Variants in TMEM65 observed in about 807,000 individuals in gnomAD.
The protein encoded by TMEM65 is transmembrane protein 65.
In TMEM65, 22 loss-of-function variants were observed where a neutral mutation model predicts 25.4. That is an observed-to-expected ratio of 0.86 (90% confidence interval 0.62 to 1.23). TMEM65 has a LOEUF of 1.23. TMEM65 is among the 50% of genes most tolerant of loss of function. The pLI is 0.00. For missense variants in TMEM65, 262 were observed against 308.2 expected, an observed-to-expected ratio of 0.85 and a Z score of 1.12; for synonymous variants, 132 against 126.2, an observed-to-expected ratio of 1.05 and a Z score of -0.31.
At chr8:124,341,486 T>G (rs181738412) in intron 1 of TMEM65, among the ~76,000 whole-genome samples, 218 of 152,208 alleles carry the variant, frequency 1.4e-3, no homozygotes, top group African/African-American at 5.1e-3. Flanking sequence ...ACTGGTCTAC[T>G]TTTAATAGGA....
intron 1 of TMEM65, among the ~76,000 whole-genome samples, chr8:124,341,371 ATTAT>A (rs1450916144): frequency 6.6e-6 from 1 of 152,044 alleles, no homozygotes; most frequent in Non-Finnish European, 1.5e-5. Context: ...TTAGAAGGGA[ATTAT>A]TTATCAGTTT....
intron 1 of TMEM65, among the ~76,000 whole-genome samples, chr8:124,370,344 A>G (rs940887517): frequency 2.0e-5 from 3 of 152,234 alleles, no homozygotes; most frequent in African/African-American, 7.2e-5. Flanking sequence ...ATGTGTGTTC[A>G]AATAGTCTTG....
intron 1 of TMEM65, among the ~76,000 whole-genome samples, chr8:124,344,046 C>T (rs1463131079): frequency 1.3e-5 from 2 of 152,172 alleles, no homozygotes; most frequent in Non-Finnish European, 2.9e-5. Context: ...ATTGCTAGTG[C>T]TTCTCTAATA....
chr8:124,352,353 T>C (rs1042724758), intron 1 of TMEM65, among the ~76,000 whole-genome samples: 5 of 152,026 alleles, frequency 3.3e-5, no homozygotes, highest in African/African-American at 1.2e-4. Context: ...TCCAGAGAAA[T>C]AGGGCATTAA....
chr8:124,327,513 G>C (rs1362872301), intron 2 of TMEM65, 92 bp from the exon 3 acceptor site: 9 of 756,352 alleles, frequency 1.2e-5, no homozygotes, highest in Non-Finnish European at 1.0e-5. Context: ...ATCCTAAACA[G>C]ACTTGATAAT....
chr8:124,327,968 T>C (rs896992186), intron 2 of TMEM65, among the ~76,000 whole-genome samples: 2 of 152,074 alleles, frequency 1.3e-5, no homozygotes, highest in Non-Finnish European at 2.9e-5. Context: ...ATGTGCAGTC[T>C]TTTTCCCCCC....
At chr8:124,336,311 G>A (rs1194049252) in intron 1 of TMEM65, among the ~76,000 whole-genome samples, 1 of 151,908 alleles carries the variant, frequency 6.6e-6, no homozygotes, top group African/African-American at 2.4e-5. Context: ...AGAAAACTAG[G>A]CAAAAATATC....
intron 4 of TMEM65, 71 bp downstream of exon 4, chr8:124,323,250 C>T (rs1489894106): frequency 2.4e-6 from 2 of 840,756 alleles, no homozygotes; most frequent in Admixed American, 2.7e-5. Context: ...AATTACCCTC[C>T]TCTAAACTTA....
rs1814118473 is a variant in TMEM65, at chr8:124,308,417, A to G, written c.*5543T>C. 1.3e-5 allele frequency: 2 copies of G among 152,252 alleles called. No homozygotes were observed. Among genetic ancestry groups the G allele is most frequent in the Admixed American group, 6.5e-5 (1 of 15,282 alleles). 9.4% of individuals were successfully genotyped at this position (152,252 alleles called of 1,614,324 possible). A position where few individuals can be genotyped will look rare whatever the true frequency, so the allele number is the denominator to read the frequency against. On this transcript the variant is annotated 3_prime_UTR_variant, in exon 7 of 7. Transcript: ENST00000297632. Reference sequence around the variant, plus strand: ...GAGAACATCATCAAAGTCTGGAAGGATTCCACCACTGATGATGCCATTGTT... The same window carrying G: ...GAGAACATCATCAAAGTCTGGAAGGGTTCCACCACTGATGATGCCATTGTT...
intron 1 of TMEM65, among the ~76,000 whole-genome samples, chr8:124,354,665 A>AC (rs1814756589): frequency 6.6e-6 from 1 of 151,870 alleles, no homozygotes; most frequent in East Asian, 1.9e-4. Context: ...CATCTCCAAA[A>AC]CTCCCTACGG....
chr8:124,351,113 T>C (rs1214445961), intron 1 of TMEM65: 1 of 984,828 alleles, frequency 1.0e-6, no homozygotes, highest in Admixed American at 6.2e-5. Context: ...TTGGGATATC[T>C]GCATGCTAAA....
intron 1 of TMEM65, among the ~76,000 whole-genome samples, chr8:124,348,914 C>T (rs559984889): frequency 1.3e-5 from 2 of 152,246 alleles, no homozygotes; most frequent in African/African-American, 4.8e-5. Context: ...CTGGGAAATG[C>T]TACCACCAGC....
chr8:124,351,145 T>C lies in TMEM65; in HGVS notation c.305-20353A>G, dbSNP rs1586469443. ...TAAAAGATATTTTAAAATCAAAATA[T>C]ATGCATGCAACAAAATAAATAATAT... On this transcript the variant is annotated intron_variant, in intron 1 of 6. Transcript: ENST00000297632. The C allele has an allele frequency of 1.3e-5, 13 of 976,240 alleles. No individual in the cohort carries two copies. The South Asian group carries it at 1.4e-4, about 11-fold the overall frequency. 60.5% of individuals were successfully genotyped at this position (976,240 alleles called of 1,614,324 possible). A position where few individuals can be genotyped will look rare whatever the true frequency, so the allele number is the denominator to read the frequency against.
At chr8:124,358,835 A>G (rs1814819974) in intron 1 of TMEM65, among the ~76,000 whole-genome samples, 2 of 152,216 alleles carry the variant, frequency 1.3e-5, no homozygotes, top group South Asian at 4.1e-4. Context: ...TACCCACAGG[A>G]TCCATTGTGT....
chr8:124,370,474 T>C (rs1814997326), intron 1 of TMEM65, among the ~76,000 whole-genome samples: 1 of 152,214 alleles, frequency 6.6e-6, no homozygotes, highest in Admixed American at 6.5e-5. Flanking sequence ...ACACATAGAT[T>C]ACAAATGTGC....
In TMEM65 at chr8:124,309,888, T is replaced by TA. The variant is rs1395718976; in HGVS notation, c.*4071dup. ...CAACATGGTGAAACCCCGTTTCTAC[T>TA]AAAAATACAAAAAAATTAGGCTCGG... is the stretch of plus-strand genomic sequence containing the variant. On this transcript the variant is annotated 3_prime_UTR_variant, in exon 7 of 7. Transcript: ENST00000297632. 6.6e-6 allele frequency: 1 copy of TA among 151,382 alleles called. No homozygotes were observed. Among genetic ancestry groups the TA allele is most frequent in the Non-Finnish European group, 1.5e-5 (1 of 67,998 alleles). The allele number at this position is 151,382 out of a possible 1,614,324, so 9.4% of individuals were successfully genotyped here.
chr8:124,359,953 G>A (rs918739843), intron 1 of TMEM65, among the ~76,000 whole-genome samples: 2 of 152,052 alleles, frequency 1.3e-5, no homozygotes, highest in African/African-American at 4.8e-5. Context: ...GAGTCTAGGC[G>A]CAGAGAACGC....
chr8:124,333,470 C>CGTGTGTGTGT (rs10660640), intron 1 of TMEM65, among the ~76,000 whole-genome samples: 48 of 149,242 alleles, frequency 3.2e-4, no homozygotes, highest in African/African-American at 8.1e-4. Flanking sequence ...TGTGTGTGTG[C>CGTGTGTGTGT]GTGTGTGTGT....
At chr8:124,370,027 C>T (rs17369882) in intron 1 of TMEM65, among the ~76,000 whole-genome samples, 13,469 of 152,228 alleles carry the variant, frequency 0.088, 640 homozygotes, top group East Asian at 0.15. Context: ...TAATTTCTCT[C>T]TCATATTAGT....
Sources: gnomAD v4.1 joint callset for allele counts (sites outside exome capture counted in the v4.1 genomes callset) on GRCh38, gnomAD v4.1.1 for gene constraint, MANE v1.5 for transcripts, NCBI Gene and HGNC (gene_info 2026-07-23, HGNC 2026-07-21) for gene names.